Variants in PGR observed in about 807,000 individuals in gnomAD.
The protein encoded by PGR is nuclear receptor subfamily 3 group C member 3.
A neutral mutation model predicts 76.1 loss-of-function variants in PGR; 25 were observed. The observed-to-expected ratio is 0.33, with a 90% CI of 0.24 to 0.46. PGR has a LOEUF of 0.46. Among genes scored for constraint, PGR ranks in the 20% least tolerant of loss-of-function variants. The pLI is 1.00. For missense variants in PGR, 1,172 were observed against 1,225.3 expected, an observed-to-expected ratio of 0.96 and a Z score of 0.65; for synonymous variants, 579 against 535.0, an observed-to-expected ratio of 1.08 and a Z score of -1.14.
chr11:101,043,887 G>A (rs1010377766), intron 6 of PGR, among the ~76,000 whole-genome samples: 10 of 152,308 alleles, frequency 6.6e-5, no homozygotes, highest in Admixed American at 5.9e-4. Flanking sequence ...ATCCAGCTTT[G>A]TTGTTCCATT....
chr11:101,035,173 T>C lies in PGR; in HGVS notation c.*3943A>G, dbSNP rs992052574. On this transcript the variant is annotated 3_prime_UTR_variant, in exon 8 of 8. Coordinates refer to ENST00000325455, the MANE Select transcript of PGR (RefSeq NM_000926.4). ...TTACTTGTCTCCTTGTCCACTTCAC[T>C]TTATCAGTGGGGACCACAGTTGTTG... The C allele has an allele frequency of 1.4e-5, 3 of 215,510 alleles. No individual in the cohort carries two copies. The highest frequency in any genetic ancestry group is 2.8e-5 in the Non-Finnish European group (3 of 106,810). 13.3% of individuals were successfully genotyped at this position (215,510 alleles called of 1,614,324 possible).
intron 4 of PGR, among the ~76,000 whole-genome samples, chr11:101,056,894 C>T (rs962788416): frequency 6.6e-6 from 1 of 152,094 alleles, no homozygotes; most frequent in African/African-American, 2.4e-5. Context: ...TAATCACCAA[C>T]GTATGTTTGA....
intron 3 of PGR, among the ~76,000 whole-genome samples, chr11:101,083,093 G>A (rs1861363404): frequency 6.6e-6 from 1 of 152,208 alleles, no homozygotes; most frequent in Non-Finnish European, 1.5e-5. Context: ...TTGGGACATG[G>A]TGCCCTGCAT....
In PGR at chr11:101,128,374, C is replaced by T. The variant is rs746812024; in HGVS notation, c.697G>A (p.Ala233Thr). The change falls in exon 1 of 8, where the codon GCG becomes ACG. Residue 233 changes from alanine (A) to threonine (T), a missense_variant. By Grantham distance (58) the Ala-to-Thr change is moderately conservative. Around this residue, in one of 4 missense-constraint regions of PGR, gnomAD observed 893 missense variants for 785.9 expected, o/e 1.14. Coordinates refer to ENST00000325455, the MANE Select transcript of PGR (RefSeq NM_000926.4). ...EEDGSESEESAGPLLKGKPRA... is the reference protein window; with the variant it reads ...EEDGSESEESTGPLLKGKPRA... ...GGTTTGCCCTTCAGAAGCGGACCCGCAGACTCCTCGGACTCAGAGCCATCC... is the reference window on the plus strand; with the variant it reads ...GGTTTGCCCTTCAGAAGCGGACCCGTAGACTCCTCGGACTCAGAGCCATCC... 1.2e-6 allele frequency: 2 copies of T among 1,607,644 alleles called. No individual in the cohort carries two copies. The highest frequency in any genetic ancestry group is 1.7e-6 in the Non-Finnish European group (2 of 1,179,702).
At chr11:101,068,763 G>A (rs1331007617) in intron 3 of PGR, among the ~76,000 whole-genome samples, 1 of 149,896 alleles carries the variant, frequency 6.7e-6, no homozygotes, top group Non-Finnish European at 1.5e-5. Flanking sequence ...AAAAAACAAT[G>A]GGGAAAGGAT....
rs2135366481 is a variant in PGR at position 101,032,583 on chromosome 11, T to G, written c.*6533A>C. 1.7e-5 allele frequency: 4 copies of G among 230,264 alleles called. No homozygotes were observed. Among genetic ancestry groups the G allele is most frequent in the Non-Finnish European group, 3.4e-5 (4 of 116,164 alleles). 14.3% of individuals were successfully genotyped at this position (230,264 alleles called of 1,614,324 possible). A position where few individuals can be genotyped will look rare whatever the true frequency, so the allele number is the denominator to read the frequency against. On this transcript the variant is annotated 3_prime_UTR_variant, in exon 8 of 8. Coordinates refer to ENST00000325455, the MANE Select transcript of PGR (RefSeq NM_000926.4). ...GGAATCCCTCCTGTTTGGAATACTCTTCTCTTCTTGCCTTTGGCATCTCCT... is the reference window on the plus strand; with the variant it reads ...GGAATCCCTCCTGTTTGGAATACTCGTCTCTTCTTGCCTTTGGCATCTCCT...
At chr11:101,090,168 AGCCTGG>A (rs1243906550) in intron 3 of PGR, among the ~76,000 whole-genome samples, 2 of 151,976 alleles carry the variant, frequency 1.3e-5, no homozygotes, top group African/African-American at 4.8e-5. Flanking sequence ...ATTGCACTCC[AGCCTGG>A]GCGACAGAGT....
chr11:101,074,962 A>G (rs1445240077), intron 3 of PGR, among the ~76,000 whole-genome samples: 1 of 152,180 alleles, frequency 6.6e-6, no homozygotes. Flanking sequence ...TCATAGAATT[A>G]GAAAAAACTA....
rs1859573933 is a variant in PGR, at chr11:101,038,171, C to CCCT, written c.*942_*944dup. The CCCT allele has an allele frequency of 1.0e-5, 2 of 191,618 alleles. No homozygotes were observed. The highest frequency in any genetic ancestry group is 4.6e-5 in the African/African-American group (2 of 43,100). The allele number at this position is 191,618 out of a possible 1,614,324, so 11.9% of individuals were successfully genotyped here. On this transcript the variant is annotated 3_prime_UTR_variant, in exon 8 of 8. Transcript: ENST00000325455. ...GAGAAAGGTATGTGAATTGATACCTCCCTCCTCCTCCTCTCCCTTTCTTCT... is the reference window on the plus strand; with the variant it reads ...GAGAAAGGTATGTGAATTGATACCTCCCTCCTCCTCCTCCTCTCCCTTTCTTCT...
At chr11:101,054,083 G>C (rs1221878439) in intron 4 of PGR, among the ~76,000 whole-genome samples, 2 of 152,146 alleles carry the variant, frequency 1.3e-5, no homozygotes, top group Non-Finnish European at 2.9e-5. Flanking sequence ...GATTTGTGAT[G>C]CTTGCTTTTT....
rs149030570 is a variant in PGR at position 101,108,874 on chromosome 11, C to T, written c.1790-16998G>A. Among the ~76,000 whole-genome samples the T allele has an allele frequency of 3.3e-3, 501 of 152,296 alleles. 2 individuals carry two copies. Among genetic ancestry groups the T allele is most frequent in the African/African-American group, 0.011 (466 of 41,556 alleles). On this transcript the variant is annotated intron_variant, in intron 2 of 7. Transcript: ENST00000325455. ...TTACAAATTCAGGGTTTGTGGCAGC[C>T]CTGCATCCAGCAAGACTATGGGCAT...
intron 2 of PGR, among the ~76,000 whole-genome samples, chr11:101,125,786 A>G (rs1283957500): frequency 4.6e-5 from 7 of 152,190 alleles, no homozygotes; most frequent in Admixed American, 2.6e-4. Context: ...TCTAATACTG[A>G]AAGTGTTAGT....
chr11:101,048,542 A>AG (rs1859971262), intron 6 of PGR, among the ~76,000 whole-genome samples: 1 of 152,180 alleles, frequency 6.6e-6, no homozygotes, highest in Non-Finnish European at 1.5e-5. Context: ...CAGCTGTAAC[A>AG]CAATGGTAAG....
At chr11:101,087,028 T>C (rs963084125) in intron 3 of PGR, among the ~76,000 whole-genome samples, 1 of 152,218 alleles carries the variant, frequency 6.6e-6, no homozygotes, top group Non-Finnish European at 1.5e-5. Flanking sequence ...ATTTACAGAT[T>C]CAATGTTATT....
At chr11:101,082,511 A>C (rs532085801) in intron 3 of PGR, among the ~76,000 whole-genome samples, 12 of 152,314 alleles carry the variant, frequency 7.9e-5, no homozygotes, top group African/African-American at 2.9e-4. Flanking sequence ...AAATGCTGAT[A>C]GTGACATGGA....
At chr11:101,068,854 T>C (rs914069661) in intron 3 of PGR, among the ~76,000 whole-genome samples, 117 of 152,184 alleles carry the variant, frequency 7.7e-4, no homozygotes, top group African/African-American at 2.7e-3. Context: ...CTACACCTAA[T>C]ACAAAAATTA....
At position 101,031,462 on chromosome 11, in the gene PGR, G is replaced by C; in HGVS notation, c.*7654C>G. ...GTAATCCAAAAAGAAGGCTCTTTTA[G>C]ATGAAAAAACATGGATAGATTATTA... On this transcript the variant is annotated 3_prime_UTR_variant, in exon 8 of 8. Transcript: ENST00000325455. 1 of 229,000 alleles carries C rather than the reference G, an allele frequency of 4.4e-6. No homozygotes were observed. The highest frequency in any genetic ancestry group is 8.7e-6 in the Non-Finnish European group (1 of 115,424). The allele number at this position is 229,000 out of a possible 1,614,324, so 14.2% of individuals were successfully genotyped here. A position where few individuals can be genotyped will look rare whatever the true frequency, so the allele number is the denominator to read the frequency against.
chr11:101,105,902 G>C (rs1425892150), intron 2 of PGR, among the ~76,000 whole-genome samples: 1 of 152,124 alleles, frequency 6.6e-6, no homozygotes, highest in Non-Finnish European at 1.5e-5. Context: ...GGACAGAAAA[G>C]AGACCTCAGA....
At chr11:101,100,070 A>G (rs970258034) in intron 2 of PGR, among the ~76,000 whole-genome samples, 2 of 152,190 alleles carry the variant, frequency 1.3e-5, no homozygotes, top group Non-Finnish European at 2.9e-5. Flanking sequence ...CATTTTGATT[A>G]CTGATATGGT....
Sources: gnomAD v4.1 joint callset for allele counts (sites outside exome capture counted in the v4.1 genomes callset) on GRCh38, gnomAD v4.1.1 for gene constraint, gnomAD v4.1.1 regional missense constraint, MANE v1.5 for transcripts, NCBI Gene and HGNC (gene_info 2026-07-23, HGNC 2026-07-21) for gene names.